MCC: variants seen among roughly 807,000 people sequenced by gnomAD.
MCC encodes the protein MCC regulator of Wnt signaling pathway, also known as colorectal mutant cancer protein.
In MCC, 90 loss-of-function variants were observed where a neutral mutation model predicts 116.2. The observed-to-expected ratio is 0.77, with a 90% confidence interval of 0.65 to 0.92. MCC has a LOEUF of 0.92. MCC is among the 40% of genes least tolerant of loss of function. The probability of loss-of-function intolerance (pLI) is 0.00; values close to 1 mark genes in which losing one functional copy is unlikely to be tolerated. For synonymous variants in MCC, 578 were observed against 510.5 expected, an observed-to-expected ratio of 1.13 and a Z score of -1.78; for missense variants, 1,516 against 1,312.2, an observed-to-expected ratio of 1.16 and a Z score of -2.40.
intron 1 of MCC, among the ~76,000 whole-genome samples, chr5:113,402,936 T>A (rs1467979414): frequency 1.3e-5 from 2 of 152,156 alleles, no homozygotes; most frequent in African/African-American, 4.8e-5. Flanking sequence ...GATAATTTGT[T>A]TAAAAATTTA....
At chr5:113,299,427 T>TA (rs1766801709) in intron 3 of MCC, among the ~76,000 whole-genome samples, 1 of 151,094 alleles carries the variant, frequency 6.6e-6, no homozygotes, top group African/African-American at 2.4e-5. Flanking sequence ...TTGTTGGTGG[T>TA]AATTTAAATG....
At chr5:113,449,475 C>T (rs192982399) in intron 1 of MCC, among the ~76,000 whole-genome samples, 1 of 152,276 alleles carries the variant, frequency 6.6e-6, no homozygotes, top group Non-Finnish European at 1.5e-5. Context: ...CTGACATTAC[C>T]CCAAGAGTGT....
At chr5:113,481,372 T>C (rs1170538817) in intron 1 of MCC, among the ~76,000 whole-genome samples, 1 of 152,122 alleles carries the variant, frequency 6.6e-6, no homozygotes, top group Non-Finnish European at 1.5e-5. Context: ...AAGAAATAAT[T>C]AGAAACAATC....
At chr5:113,325,761 A>G (rs1767536251) in intron 3 of MCC, among the ~76,000 whole-genome samples, 1 of 152,156 alleles carries the variant, frequency 6.6e-6, no homozygotes, top group Non-Finnish European at 1.5e-5. Context: ...GAGTCACTTT[A>G]CAGTTGAATT....
intron 17 of MCC, among the ~76,000 whole-genome samples, chr5:113,041,118 C>G (rs1751681176): frequency 6.6e-6 from 1 of 152,158 alleles, no homozygotes; most frequent in African/African-American, 2.4e-5. Flanking sequence ...GCCAGAGGCT[C>G]TGGCAAAGTA....
Position 113,273,987 on chromosome 5 carries a change from G to C in MCC, c.627+66532C>G, listed in dbSNP as rs74491757. Among the ~76,000 whole-genome samples the C allele has an allele frequency of 4.1e-3, 624 of 152,312 alleles. 5 individuals are homozygous for C. The highest frequency in any genetic ancestry group is 0.014 in the African/African-American group (577 of 41,568). ...ATTATGTGTATGACTGACATTCAGG[G>C]AAAGAGAGGGCTTCGCCTCTGCACA... On this transcript the variant is annotated intron_variant, in intron 3 of 18. Transcript: ENST00000408903.
In MCC at chr5:113,068,077, T is replaced by C. The variant is rs1753748443; in HGVS notation, c.2029+3A>G. 1.2e-6 allele frequency: 2 copies of C among 1,612,984 alleles called. No homozygotes were observed. Among genetic ancestry groups the C allele is most frequent in the African/African-American group, 1.3e-5 (1 of 74,876 alleles). On this transcript the variant is annotated splice_donor_region_variant and intron_variant, in intron 13 of 18. Transcript: ENST00000408903. ...GAGGAAGAGGGACTCTGGAGACACTTACCAGGGGAGGACCCCACGCCCGCC... is the reference window on the plus strand; with the variant it reads ...GAGGAAGAGGGACTCTGGAGACACTCACCAGGGGAGGACCCCACGCCCGCC...
intron 17 of MCC, among the ~76,000 whole-genome samples, chr5:113,034,670 A>G (rs1468928112): frequency 1.3e-5 from 2 of 152,260 alleles, no homozygotes; most frequent in African/African-American, 4.8e-5. Context: ...AATTGTCTGC[A>G]TATGTGATGT....
chr5:113,259,697 C>A (rs1201037522), intron 3 of MCC, among the ~76,000 whole-genome samples: 1 of 152,014 alleles, frequency 6.6e-6, no homozygotes, highest in Non-Finnish European at 1.5e-5. Flanking sequence ...AACATGTTAA[C>A]CCATTTATGC....
chr5:113,434,790 T>C lies in MCC; in HGVS notation c.171-49578A>G. ...TTTTGCATAGGAGCCCTCTCCTAAA[T>C]TTATCCCCAGGAGGTAGCCTCGTCG... On this transcript the variant is annotated intron_variant, in intron 1 of 18. Transcript: ENST00000408903. This position sits in a 1 kb window ranked among gnomAD's most constrained non-coding sequence, Gnocchi z 4.2. 1 of 1,613,538 alleles carries C rather than the reference T, an allele frequency of 6.2e-7. No homozygotes were observed. Among genetic ancestry groups the C allele is most frequent in the Non-Finnish European group, 8.5e-7 (1 of 1,179,524 alleles).
intron 3 of MCC, among the ~76,000 whole-genome samples, chr5:113,180,100 T>C (rs1188645292): frequency 6.6e-6 from 1 of 152,130 alleles, no homozygotes; most frequent in Non-Finnish European, 1.5e-5. Flanking sequence ...CCCCCGATTT[T>C]AGGAAGGGGT....
At chr5:113,233,613 T>C (rs1023939991) in intron 3 of MCC, among the ~76,000 whole-genome samples, 4 of 152,186 alleles carry the variant, frequency 2.6e-5, no homozygotes, top group African/African-American at 9.7e-5. Flanking sequence ...AACTGGCACA[T>C]ATGTGACTTC....
At chr5:113,456,046 A>C (rs1282555626) in intron 1 of MCC, among the ~76,000 whole-genome samples, 1 of 152,270 alleles carries the variant, frequency 6.6e-6, no homozygotes, top group Non-Finnish European at 1.5e-5. Context: ...GATATACACA[A>C]TATATGTGAC....
rs1334537211 is a variant in MCC, at chr5:113,151,397, A to G, written c.653T>C (p.Leu218Pro). The G allele has an allele frequency of 6.2e-7, 1 of 1,611,870 alleles. No individual in the cohort carries two copies. The highest frequency in any genetic ancestry group is 8.5e-7 in the Non-Finnish European group (1 of 1,178,528). The change falls in exon 4 of 19, where the codon CTA becomes CCA. Residue 218 changes from leucine (L) to proline (P), a missense_variant. Leu to Pro is a moderately conservative substitution (Grantham distance 98, BLOSUM62 -3). Coordinates refer to ENST00000408903, the MANE Select transcript of MCC (RefSeq NM_001085377.2). ...ATTAAGTTCCACTATATCTCCCTTT[A>G]GTGATGCCAGGGCTGCTGAATGGAG... The part of the protein sequence containing the change: ...NTLHSAALAS[L>P]KGDIVELNKR...
At chr5:113,288,468 T>C (rs1766348154) in intron 3 of MCC, among the ~76,000 whole-genome samples, 1 of 152,216 alleles carries the variant, frequency 6.6e-6, no homozygotes, top group South Asian at 2.1e-4. Context: ...CAACCCCCAC[T>C]GAATGAGGAT....
At chr5:113,058,809 G>A (rs1753011670) in intron 14 of MCC, among the ~76,000 whole-genome samples, 1 of 152,238 alleles carries the variant, frequency 6.6e-6, no homozygotes, top group Non-Finnish European at 1.5e-5. Context: ...GGCAGCTGGT[G>A]CTGCCACACA....
At chr5:113,054,059 G>A (rs1253434983) in intron 14 of MCC, 100 bp from the exon 15 acceptor site, 2 of 806,328 alleles carry the variant, frequency 2.5e-6, no homozygotes, top group Middle Eastern at 2.4e-4. Context: ...CCTCTCCCCA[G>A]TGTTATTTAG....
intron 5 of MCC, among the ~76,000 whole-genome samples, chr5:113,131,343 T>TAAA (rs1036563000): frequency 2.0e-5 from 3 of 152,072 alleles, no homozygotes; most frequent in Non-Finnish European, 2.9e-5. Flanking sequence ...GGTGAACATT[T>TAAA]AAAAAAAGCC....
intron 3 of MCC, among the ~76,000 whole-genome samples, chr5:113,296,153 G>C (rs1766703805): frequency 6.6e-6 from 1 of 152,102 alleles, no homozygotes; most frequent in Non-Finnish European, 1.5e-5. Context: ...CCAAACTAGA[G>C]CACATTCTGC....
Sources: gnomAD v4.1 joint callset for allele counts (sites outside exome capture counted in the v4.1 genomes callset) on GRCh38, gnomAD v4.1.1 for gene constraint, Gnocchi (gnomAD v3.1) non-coding constraint, MANE v1.5 for transcripts, NCBI Gene and HGNC (gene_info 2026-07-23, HGNC 2026-07-21) for gene names.